ACCS: variants seen among roughly 807,000 people sequenced by gnomAD.
The protein encoded by ACCS is 1-aminocyclopropane-1-carboxylate synthase-like protein 1.
A neutral mutation model predicts 59.8 loss-of-function variants in ACCS; 42 were observed. That is an observed-to-expected ratio of 0.70 (90% CI 0.55 to 0.91). The LOEUF (loss-of-function observed/expected upper bound fraction) is 0.91, where lower values mean the gene tolerates loss of function less well. Among genes scored for constraint, ACCS ranks in the 40% least tolerant of loss-of-function variants. ACCS has a pLI of 0.00. For missense variants in ACCS, 602 were observed against 630.4 expected, an observed-to-expected ratio of 0.95 and a Z score of 0.48; for synonymous variants, 230 against 240.3, an observed-to-expected ratio of 0.96 and a Z score of 0.40.
intron 1 of ACCS, chr11:44,067,402 A>G: frequency 2.0e-6 from 1 of 494,902 alleles, no homozygotes; most frequent in Non-Finnish European, 3.5e-6. Flanking sequence ...AAGTCACGTC[A>G]ATGTGGCAAG....
chr11:44,081,601 A>G (rs1953644346), intron 12 of ACCS, among the ~76,000 whole-genome samples: 1 of 152,236 alleles, frequency 6.6e-6, no homozygotes, highest in African/African-American at 2.4e-5. Context: ...TTGTAATTCA[A>G]TTAGAATAGT....
intron 3 of ACCS, 67 bp downstream of exon 3, chr11:44,071,382 C>G: frequency 6.4e-7 from 1 of 1,567,604 alleles, no homozygotes; most frequent in Admixed American, 1.7e-5. Flanking sequence ...GGAATGCTTT[C>G]CCAACAGGAG....
At chr11:44,071,686 C>T (rs898663341) in intron 3 of ACCS, 6 of 189,574 alleles carry the variant, frequency 3.2e-5, no homozygotes, top group Non-Finnish European at 4.4e-5. Context: ...ATACTCCCAC[C>T]ATGGCTGATT....
chr11:44,072,119 C>T (rs1468571733), intron 3 of ACCS: 1 of 141,640 alleles, frequency 7.1e-6, no homozygotes, highest in African/African-American at 2.6e-5. Flanking sequence ...AAATCTCAAC[C>T]CCAAGGGGAA....
chr11:44,078,502 C>T, intron 8 of ACCS, 182 bp from the exon 9 acceptor site: 1 of 534,522 alleles, frequency 1.9e-6, no homozygotes, highest in South Asian at 3.4e-5. Flanking sequence ...TGGGCCTTGT[C>T]CTCCGCCTTT....
chr11:44,068,163 T>C (rs1952880235), intron 2 of ACCS, among the ~76,000 whole-genome samples: 1 of 152,202 alleles, frequency 6.6e-6, no homozygotes, highest in Non-Finnish European at 1.5e-5. Flanking sequence ...TGATGTTCTA[T>C]GGATTCTGAC....
At chr11:44,078,637 G>C (rs775840034) in intron 8 of ACCS, 47 bp from the exon 9 acceptor site, 2 of 1,575,074 alleles carry the variant, frequency 1.3e-6, no homozygotes, top group Non-Finnish European at 1.7e-6. Flanking sequence ...TGTGGCTCTG[G>C]CCTTGGGGAA....
intron 7 of ACCS, 38 bp from the exon 8 acceptor site, chr11:44,077,807 C>A (rs1437767504): frequency 6.2e-7 from 1 of 1,606,572 alleles, no homozygotes; most frequent in Non-Finnish European, 8.5e-7. Flanking sequence ...GCAATGGTCA[C>A]TGAATGTGGC....
At chr11:44,070,122 G>A (rs564230889) in intron 2 of ACCS, among the ~76,000 whole-genome samples, 3 of 152,278 alleles carry the variant, frequency 2.0e-5, no homozygotes, top group East Asian at 3.9e-4. Flanking sequence ...TGGTGGAGGT[G>A]ATAGAACCTG....
intron 6 of ACCS, chr11:44,075,833 A>C: frequency 2.0e-6 from 1 of 490,510 alleles, no homozygotes; most frequent in South Asian, 3.7e-5. Context: ...CTTCATGCTC[A>C]TAAGGTGGCT....
At chr11:44,071,355 G>A in intron 3 of ACCS, 40 bp downstream of exon 3, 5 of 1,601,086 alleles carry the variant, frequency 3.1e-6, no homozygotes, top group South Asian at 1.1e-5. Context: ...CACCAGCTCC[G>A]AGGAGCTGTC....
At chr11:44,074,939 C>A (rs905845232) in intron 5 of ACCS, among the ~76,000 whole-genome samples, 2 of 151,224 alleles carry the variant, frequency 1.3e-5, no homozygotes, top group Non-Finnish European at 2.9e-5. Flanking sequence ...ATTCTCTTGC[C>A]TCAGCCTCCC....
chr11:44,070,299 A>T (rs368712890), intron 2 of ACCS, among the ~76,000 whole-genome samples: 3 of 151,822 alleles, frequency 2.0e-5, no homozygotes, highest in East Asian at 3.9e-4. Context: ...GAGGGGAGGG[A>T]AGCTGTTGTA....
At chr11:44,080,920 A>G in intron 10 of ACCS, 100 bp from the exon 11 acceptor site, 1 of 1,480,372 alleles carries the variant, frequency 6.8e-7, no homozygotes, top group Admixed American at 1.7e-5. Flanking sequence ...CCTGGAACCA[A>G]AACTAGATTC....
At chr11:44,083,050 A>T (rs138678659) in intron 12 of ACCS, 119 bp from the exon 13 acceptor site, 2 of 1,313,284 alleles carry the variant, frequency 1.5e-6, no homozygotes, top group Non-Finnish European at 2.1e-6. Context: ...AGCCAGCTAG[A>T]GGAGGGACTC....
chr11:44,077,229 G>C, intron 6 of ACCS, 50 bp from the exon 7 acceptor site: 1 of 1,588,250 alleles, frequency 6.3e-7, no homozygotes. Flanking sequence ...CAGAGGGTCT[G>C]GGGTGTTCTG....
chr11:44,069,927 G>A (rs778257228), intron 2 of ACCS, among the ~76,000 whole-genome samples: 14 of 152,216 alleles, frequency 9.2e-5, no homozygotes, highest in Non-Finnish European at 1.6e-4. Context: ...TACAGGCTGC[G>A]CATCACAGGG....
intron 3 of ACCS, chr11:44,073,209 A>C: frequency 1.8e-6 from 1 of 560,852 alleles, no homozygotes; most frequent in Non-Finnish European, 3.2e-6. Flanking sequence ...GGAGTCAAAA[A>C]TTTTGGGTTT....
chr11:44,075,472 C>G, intron 5 of ACCS, 54 bp from the exon 6 acceptor site: 5 of 1,589,750 alleles, frequency 3.1e-6, no homozygotes, highest in Non-Finnish European at 4.3e-6. Flanking sequence ...GCTGCGGGTC[C>G]GTGCACACTC....
Sources: gnomAD v4.1 joint callset for allele counts (sites outside exome capture counted in the v4.1 genomes callset) on GRCh38, gnomAD v4.1.1 for gene constraint, MANE v1.5 for transcripts, NCBI Gene and HGNC (gene_info 2026-07-23, HGNC 2026-07-21) for gene names.